Variants in NRBP1 observed in about 807,000 individuals in gnomAD.
NRBP1 encodes the protein nuclear receptor binding protein 1.
In NRBP1, 10 loss-of-function variants were observed where a neutral mutation model predicts 76.0. The observed-to-expected ratio is 0.13, with a 90% CI of 0.08 to 0.22. NRBP1 has a LOEUF of 0.22. Among genes scored for constraint, NRBP1 ranks in the 10% least tolerant of loss-of-function variants. The pLI is 1.00. For synonymous variants in NRBP1, 235 were observed against 240.2 expected (o/e 0.98, Z 0.20); for missense variants, 344 against 646.0 (o/e 0.53, Z 5.07).
intron 1 of NRBP1, among the ~76,000 whole-genome samples, chr2:27,429,597 C>T (rs1280019859): frequency 6.6e-6 from 1 of 152,126 alleles, no homozygotes; most frequent in Non-Finnish European, 1.5e-5. Context: ...TCAGCGGCTC[C>T]GAGACAAAAC....
rs1256492152 is a variant in NRBP1 at position 27,436,658 on chromosome 2, C to G, written c.662-95C>G. The G allele has an allele frequency of 4.0e-6, 4 of 991,700 alleles. No homozygotes were observed. The African/African-American group carries it at 6.3e-5, about 16-fold the overall frequency. The allele number at this position is 991,700 out of a possible 1,614,324, so 61.4% of individuals were successfully genotyped here. ...CTGTTGAGGGTCATCAGAAAGGAGACTTCAGGAGAGAATTTGGCTTTTGGG... is the reference window on the plus strand; with the variant it reads ...CTGTTGAGGGTCATCAGAAAGGAGAGTTCAGGAGAGAATTTGGCTTTTGGG... On this transcript the variant is annotated intron_variant, in intron 7 of 17. Transcript: ENST00000379852.
intron 1 of NRBP1, among the ~76,000 whole-genome samples, chr2:27,432,765 T>TG (rs1224600845): frequency 2.6e-5 from 4 of 152,024 alleles, no homozygotes; most frequent in Non-Finnish European, 4.4e-5. Context: ...TTTGTAAAGA[T>TG]GGGGTCTCAC....
rs1244462810 is a variant in NRBP1 at position 27,440,658 on chromosome 2, T to C, written c.1149T>C (p.Ser383=). ...PGREPVQTLY[S]QSPALELDKF... ...TTTCTCTTTTCTCGTCCAGGTACTC[T>C]CAGTCACCAGCTCTGGAATTAGATA... is the stretch of plus-strand genomic sequence containing the variant. Residue 383 remains serine (S), a synonymous_variant, in exon 13 of 18, where the codon TCT becomes TCC. Transcript: ENST00000379852. 2 of 1,614,102 alleles carry C rather than the reference T, an allele frequency of 1.2e-6. No individual in the cohort carries two copies. Among genetic ancestry groups the C allele is most frequent in the Non-Finnish European group, 1.7e-6 (2 of 1,180,040 alleles).
At position 27,439,741 on chromosome 2, in the gene NRBP1, T is replaced by A. The variant is rs776268812; in HGVS notation, c.904-25T>A. 2.0e-5 allele frequency: 32 copies of A among 1,613,548 alleles called. No homozygotes were observed. In the East Asian group the frequency reaches 7.1e-4, roughly 36 times the overall value. On this transcript the variant is annotated intron_variant, in intron 10 of 17. Coordinates refer to ENST00000379852, the MANE Select transcript of NRBP1 (RefSeq NM_013392.4). ...CACTGGGGGCTTGCCAGATGCCTGCTCCAGTTCCTTGTTTCCTTTTCTAGG... is the reference window on the plus strand; with the variant it reads ...CACTGGGGGCTTGCCAGATGCCTGCACCAGTTCCTTGTTTCCTTTTCTAGG...
chr2:27,439,085 T>C (rs1333167312), intron 10 of NRBP1, among the ~76,000 whole-genome samples: 1 of 152,070 alleles, frequency 6.6e-6, no homozygotes, highest in Admixed American at 6.6e-5. Context: ...TGGTGAATAT[T>C]GATCACATTG....
intron 1 of NRBP1, among the ~76,000 whole-genome samples, chr2:27,430,488 A>C (rs531965871): frequency 1.3e-4 from 11 of 83,714 alleles, no homozygotes; most frequent in African/African-American, 4.6e-4. Flanking sequence ...TTTTTTTTTG[A>C]GTCATAGTCT....
intron 5 of NRBP1, 30 bp downstream of exon 5, chr2:27,434,590 G>A: frequency 6.2e-7 from 1 of 1,606,498 alleles, no homozygotes; most frequent in Non-Finnish European, 8.5e-7. Context: ...AAAGTTTGAG[G>A]CTGGTTTTTG....
chr2:27,441,443 G>A lies in NRBP1; in HGVS notation c.1447+113G>A, dbSNP rs1003556173. The A allele has an allele frequency of 6.9e-5, 98 of 1,413,170 alleles. No individual in the cohort carries two copies. The African/African-American group carries it at 1.2e-3, about 17-fold the overall frequency. 87.5% of individuals were successfully genotyped at this position (1,413,170 alleles called of 1,614,324 possible). ...AGTAACACATTGACTCACATAGAAT[G>A]ACTATCTTAGACCCTAAAGCAGTGG... On this transcript the variant is annotated intron_variant, in intron 16 of 17. Transcript: ENST00000379852.
rs112549119 is a variant in NRBP1, at chr2:27,435,431, A to C, written c.661+204A>C. On this transcript the variant is annotated intron_variant, in intron 7 of 17. Transcript: ENST00000379852. ...GGATATATAATCTTACACCTTTTTG[A>C]AGGGAAAATTGGGGTTAATACAGAG... 1.1e-3 allele frequency among the ~76,000 whole-genome samples: 161 copies of C among 152,136 alleles called. 1 individual carries two copies. The highest frequency in any genetic ancestry group is 3.7e-3 in the African/African-American group (154 of 41,508).
rs1299645731 is a variant in NRBP1, at chr2:27,442,023, A to G, written c.*211A>G. On this transcript the variant is annotated 3_prime_UTR_variant, in exon 18 of 18. Transcript: ENST00000379852. ...TGCACTTTGTTTACTTGTTTTGCAC[A>G]GACGTGGGCCTGGGCCTTCTCAGCA... is the stretch of plus-strand genomic sequence containing the variant. 7 of 560,262 alleles carry G rather than the reference A, an allele frequency of 1.2e-5. No individual in the cohort carries two copies. Among genetic ancestry groups the G allele is most frequent in the Non-Finnish European group, 2.2e-5 (7 of 318,652 alleles). 34.7% of individuals were successfully genotyped at this position (560,262 alleles called of 1,614,324 possible).
intron 16 of NRBP1, 60 bp downstream of exon 16, chr2:27,441,390 T>C (rs1351734038): frequency 1.3e-6 from 2 of 1,532,678 alleles, no homozygotes; most frequent in East Asian, 2.2e-5. Context: ...TTTAGGGACA[T>C]ATTCAGGGGT....
Position 27,436,791 on chromosome 2 carries a change from C to T in NRBP1, c.700C>T (p.Arg234Ter), listed in dbSNP as rs768882955. 1 of 1,613,488 alleles carries T rather than the reference C, an allele frequency of 6.2e-7. No homozygotes were observed. Among genetic ancestry groups the T allele is most frequent in the Non-Finnish European group, 8.5e-7 (1 of 1,179,846 alleles). ...TATCAACAATCATGTGAAGACTTGTCGAGAAGAGCAGAAGAATCTACACTT... is the reference window on the plus strand; with the variant it reads ...TATCAACAATCATGTGAAGACTTGTTGAGAAGAGCAGAAGAATCTACACTT... ...DTINNHVKTC[R>*]EEQKNLHFFA... Residue 234 changes from arginine (R) to a stop codon, truncating the protein, a stop_gained, in exon 8 of 18, where the codon CGA (arginine) becomes TGA (stop). Transcript: ENST00000379852. LOFTEE classifies it high-confidence loss of function.
upstream of NRBP1, chr2:27,428,479 G>C (rs1332237614): frequency 7.6e-6 from 3 of 393,930 alleles, no homozygotes; most frequent in African/African-American, 4.1e-5. Context: ...GGCCGGACCG[G>C]CGCAAGGGGA....
chr2:27,434,875 CAT>C, intron 6 of NRBP1, 113 bp downstream of exon 6: 1 of 1,134,018 alleles, frequency 8.8e-7, no homozygotes, highest in Non-Finnish European at 1.3e-6. Flanking sequence ...TTCTTTGAAT[CAT>C]ATACTGTCAA....
chr2:27,431,448 T>C (rs1252137983), intron 1 of NRBP1, among the ~76,000 whole-genome samples: 1 of 152,248 alleles, frequency 6.6e-6, no homozygotes, highest in South Asian at 2.1e-4. Flanking sequence ...TGTGGGCATT[T>C]ATTTTGTTTG....
chr2:27,435,117 C>T lies in NRBP1; in HGVS notation c.567-16C>T, dbSNP rs753647090. ...AATTTCCCAGTGGCCCCTCTAACAGCCCAGTGCCCCCACAGCTACCTGCAC... is the reference window on the plus strand; with the variant it reads ...AATTTCCCAGTGGCCCCTCTAACAGTCCAGTGCCCCCACAGCTACCTGCAC... On this transcript the variant is annotated splice_polypyrimidine_tract_variant and intron_variant, in intron 6 of 17. Transcript: ENST00000379852. 7.5e-6 allele frequency: 12 copies of T among 1,601,866 alleles called. No individual in the cohort carries two copies. In the Admixed American group the frequency reaches 2.0e-4, roughly 27 times the overall value.
intron 9 of NRBP1, 33 bp downstream of exon 9, chr2:27,437,138 T>A: frequency 6.2e-7 from 1 of 1,604,474 alleles, no homozygotes; most frequent in Non-Finnish European, 8.5e-7. Flanking sequence ...GGGAAAGGGG[T>A]CAGATGAGAA....
intron 7 of NRBP1, 122 bp from the exon 8 acceptor site, chr2:27,436,631 G>C: frequency 1.3e-6 from 1 of 753,688 alleles, no homozygotes; most frequent in Admixed American, 2.0e-5. Context: ...ATATGTTTGT[G>C]CCTGTTGAGG....
rs1437274482 is a variant in NRBP1 at position 27,441,801 on chromosome 2, G to A, written c.1597G>A (p.Val533Ile). 4 of 1,609,904 alleles carry A rather than the reference G, an allele frequency of 2.5e-6. No homozygotes were observed. The highest frequency in any genetic ancestry group is 1.7e-4 in the Middle Eastern group (1 of 6,050). The change falls in exon 18 of 18, where the codon GTC becomes ATC. Residue 533 changes from valine to isoleucine, a missense_variant. Around this residue, in one of 3 missense-constraint regions of NRBP1, gnomAD observed 218 missense variants for 309.8 expected, o/e 0.70. Transcript: ENST00000379852. ...NSTLNSAAVT[V>I]SS ...TACCCTCAACTCAGCCGCTGTCACC[G>A]TCTCCTCTTAGAGCTCACTCGGGCC...
Sources: gnomAD v4.1 joint callset for allele counts (sites outside exome capture counted in the v4.1 genomes callset) on GRCh38, gnomAD v4.1.1 for gene constraint, gnomAD v4.1.1 regional missense constraint, MANE v1.5 for transcripts, NCBI Gene and HGNC (gene_info 2026-07-23, HGNC 2026-07-21) for gene names.